The following CNTN5 variants were observed in gnomAD, a reference collection of about 807,000 sequenced individuals.
CNTN5 encodes contactin-5.
A neutral mutation model predicts 129.1 loss-of-function variants in CNTN5; 77 were observed. The ratio of observed to expected loss-of-function variants is 0.60; its 90% CI spans 0.50 to 0.72. The LOEUF is 0.72. Among genes scored for constraint, CNTN5 ranks in the 30% least tolerant of loss-of-function variants. The pLI, the probability that CNTN5 is intolerant of heterozygous loss-of-function variation, is 0.00. For missense variants in CNTN5, 1,478 were observed against 1,328.8 expected, an observed-to-expected ratio of 1.11 and a Z score of -1.75; for synonymous variants, 509 against 465.6, an observed-to-expected ratio of 1.09 and a Z score of -1.20.
chr11:99,647,377 T>C (rs548215413), intron 3 of CNTN5, among the ~76,000 whole-genome samples: 1 of 152,164 alleles, frequency 6.6e-6, no homozygotes, highest in Non-Finnish European at 1.5e-5. Flanking sequence ...TGGCTTCTCT[T>C]TTCTGTTCCA....
chr11:100,265,925 C>T (rs993766750), intron 17 of CNTN5, among the ~76,000 whole-genome samples: 1 of 152,056 alleles, frequency 6.6e-6, no homozygotes, highest in Non-Finnish European at 1.5e-5. Context: ...TTGATTATGT[C>T]TACTTAGGAA....
chr11:100,052,059 G>C (rs1942982953), intron 9 of CNTN5, among the ~76,000 whole-genome samples: 1 of 151,830 alleles, frequency 6.6e-6, no homozygotes, highest in African/African-American at 2.4e-5. Flanking sequence ...TTTATCTCAG[G>C]AATGTACAGT....
chr11:99,816,364 C>T (rs1382739040), intron 3 of CNTN5, among the ~76,000 whole-genome samples: 2 of 152,098 alleles, frequency 1.3e-5, no homozygotes, highest in African/African-American at 2.4e-5. Context: ...ATCTCTCTGA[C>T]GAACCTGCGT....
At chr11:99,731,477 G>A (rs1244069828) in intron 3 of CNTN5, among the ~76,000 whole-genome samples, 1 of 152,036 alleles carries the variant, frequency 6.6e-6, no homozygotes, top group African/African-American at 2.4e-5. Flanking sequence ...TTGCAGTCTT[G>A]GCATGTTATC....
intron 1 of CNTN5, among the ~76,000 whole-genome samples, chr11:99,305,271 T>C (rs569761617): frequency 1.4e-4 from 21 of 152,296 alleles, no homozygotes; most frequent in African/African-American, 5.1e-4. Context: ...CAGTAAAGTG[T>C]AAAGTGTCAT....
chr11:100,224,625 C>T, intron 15 of CNTN5, 67 bp from the exon 16 acceptor site: 1 of 1,509,192 alleles, frequency 6.6e-7, no homozygotes, highest in Non-Finnish European at 9.0e-7. Flanking sequence ...TGCAAAGTTC[C>T]CCCTTAAGCC....
At chr11:99,059,396 A>G (rs533948739) in intron 1 of CNTN5, among the ~76,000 whole-genome samples, 1 of 152,180 alleles carries the variant, frequency 6.6e-6, no homozygotes, top group South Asian at 2.1e-4. Context: ...TGACCCTCCT[A>G]GTGGAAGATG....
At chr11:99,577,727 T>G (rs371229988) in intron 3 of CNTN5, among the ~76,000 whole-genome samples, 14 of 152,228 alleles carry the variant, frequency 9.2e-5, no homozygotes, top group African/African-American at 3.1e-4. Flanking sequence ...AAACAAAGTT[T>G]GGACAGTTCT....
chr11:99,036,837 C>T (rs76893125), intron 1 of CNTN5, among the ~76,000 whole-genome samples: 1,960 of 152,168 alleles, frequency 0.013, 39 homozygotes, highest in South Asian at 0.086. Flanking sequence ...ATGTTTATAA[C>T]ACATTTTTTA....
At chr11:99,213,292 T>G (rs11218870) in intron 1 of CNTN5, among the ~76,000 whole-genome samples, 9 of 145,574 alleles carry the variant, frequency 6.2e-5, no homozygotes, top group Non-Finnish European at 1.1e-4. Flanking sequence ...ATAATATATA[T>G]AACATATATA....
intron 1 of CNTN5, among the ~76,000 whole-genome samples, chr11:99,274,492 T>C (rs1206350084): frequency 6.6e-6 from 1 of 151,620 alleles, no homozygotes; most frequent in Non-Finnish European, 1.5e-5. Context: ...ACATTGTAAA[T>C]GTGTACAATA....
At chr11:99,659,758 CAA>C (rs1487249322) in intron 3 of CNTN5, among the ~76,000 whole-genome samples, 5 of 152,110 alleles carry the variant, frequency 3.3e-5, no homozygotes, top group African/African-American at 1.2e-4. Flanking sequence ...CTGCTTCAGT[CAA>C]AGTCTATGGA....
chr11:99,338,392 G>A lies in CNTN5; in HGVS notation c.-71+12908G>A, dbSNP rs566959991. 1.7e-4 allele frequency among the ~76,000 whole-genome samples: 26 copies of A among 152,238 alleles called. No individual in the cohort carries two copies. In the South Asian group the frequency reaches 5.2e-3, roughly 30 times the overall value. On this transcript the variant is annotated intron_variant, in intron 2 of 24. Coordinates refer to ENST00000524871, the MANE Select transcript of CNTN5 (RefSeq NM_014361.4). ...ATACTCAAATCACAAGAATGAGTAG[G>A]GCATGGTGTCCACCATGTCTGACAG...
chr11:99,268,716 A>C (rs1337231250), intron 1 of CNTN5, among the ~76,000 whole-genome samples: 1 of 152,030 alleles, frequency 6.6e-6, no homozygotes, highest in African/African-American at 2.4e-5. Flanking sequence ...AAATGTGTTT[A>C]TTTGTCCTTA....
At chr11:99,552,289 TA>T (rs1451846908) in intron 2 of CNTN5, among the ~76,000 whole-genome samples, 1 of 151,762 alleles carries the variant, frequency 6.6e-6, no homozygotes, top group Non-Finnish European at 1.5e-5. Flanking sequence ...AATTATTATC[TA>T]AAAAATAATA....
At chr11:99,513,132 G>T (rs1040659620) in intron 2 of CNTN5, among the ~76,000 whole-genome samples, 2 of 152,078 alleles carry the variant, frequency 1.3e-5, no homozygotes, top group African/African-American at 2.4e-5. Flanking sequence ...AGAAAGTTTT[G>T]GTGGTCTGGA....
At chr11:100,089,403 A>G (rs1944669968) in intron 13 of CNTN5, among the ~76,000 whole-genome samples, 1 of 152,136 alleles carries the variant, frequency 6.6e-6, no homozygotes, top group African/African-American at 2.4e-5. Context: ...AAAGTTATAA[A>G]ACAATGGATG....
intron 3 of CNTN5, among the ~76,000 whole-genome samples, chr11:99,577,971 C>T (rs972097217): frequency 7.5e-6 from 1 of 132,716 alleles, no homozygotes; most frequent in Non-Finnish European, 1.6e-5. Context: ...AATGCTATCC[C>T]TCCCCCCTCC....
chr11:100,074,524 T>G, intron 13 of CNTN5: 1 of 418,168 alleles, frequency 2.4e-6, no homozygotes, highest in Non-Finnish European at 4.2e-6. Flanking sequence ...GATATTTCAC[T>G]AGGTTTTGAA....
Sources: allele counts gnomAD v4.1 joint callset (sites outside exome capture counted in the v4.1 genomes callset), GRCh38; gene constraint gnomAD v4.1.1; transcripts MANE v1.5; gene names NCBI Gene and HGNC (gene_info 2026-07-23, HGNC 2026-07-21).